The following EIF3E variants were observed in gnomAD, a reference collection of about 807,000 sequenced individuals.
EIF3E encodes eIF-3 p48.
Under a neutral mutation model 59.3 loss-of-function variants are expected in EIF3E, and 25 were observed. The ratio of observed to expected loss-of-function variants is 0.42; its 90% CI spans 0.31 to 0.59. The LOEUF is 0.59. EIF3E is among the 20% of genes least tolerant of loss of function. EIF3E has a pLI of 0.15. For synonymous variants in EIF3E, 176 were observed against 170.2 expected (o/e 1.03, Z -0.26); for missense variants, 317 against 534.3 (o/e 0.59, Z 4.01).
intron 3 of EIF3E, among the ~76,000 whole-genome samples, chr8:108,236,587 T>C (rs762890599): frequency 6.6e-6 from 1 of 152,196 alleles, no homozygotes. Flanking sequence ...AAATTTCTAA[T>C]AGATAATATA....
chr8:108,208,315 T>C (rs890725480), intron 10 of EIF3E, among the ~76,000 whole-genome samples: 1 of 152,186 alleles, frequency 6.6e-6, no homozygotes, highest in African/African-American at 2.4e-5. Flanking sequence ...TGGTCTAGTT[T>C]TCACTGAAGA....
Position 108,220,324 on chromosome 8 carries a change from C to A in EIF3E, c.723-2864G>T, listed in dbSNP as rs528766698. Among the ~76,000 whole-genome samples, 13 of 152,278 alleles carry A rather than the reference C, an allele frequency of 8.5e-5. No homozygotes were observed. In the South Asian group the frequency reaches 1.7e-3, roughly 19 times the overall value. ...CATTGCAGATTAATCACTTTCAATT[C>A]AACTGTAGTTAAATTTTGAAATATA... On this transcript the variant is annotated intron_variant, in intron 7 of 12. Transcript: ENST00000220849.
In EIF3E at chr8:108,214,721, A is replaced by G. The variant is rs117429759; in HGVS notation, c.952-5T>C. 2.6e-3 allele frequency: 4,201 copies of G among 1,599,384 alleles called. 11 individuals are homozygous for G. Among genetic ancestry groups the G allele is most frequent in the Non-Finnish European group, 3.3e-3 (3,900 of 1,176,642 alleles). On this transcript the variant is annotated splice_polypyrimidine_tract_variant and splice_region_variant and intron_variant, in intron 9 of 12. Transcript: ENST00000220849. ...GAAGAAGTCATTCACAAGCACCTAT[A>G]TGTACAAATACAACAAAAATTAATG...
rs955133080 is a variant in EIF3E, at chr8:108,242,756, A to T, written c.91-843T>A. ...AATGGCTAAAAGATAGGCACTTCGC[A>T]AAAGAAGACAACCAAATGGCCAACA... On this transcript the variant is annotated intron_variant, in intron 1 of 12. Coordinates refer to ENST00000220849, the MANE Select transcript of EIF3E (RefSeq NM_001568.3). 11 of 798,122 alleles carry T rather than the reference A, an allele frequency of 1.4e-5. No individual in the cohort carries two copies. In the African/African-American group the frequency reaches 1.9e-4, roughly 14 times the overall value. The allele number at this position is 798,122 out of a possible 1,614,324, so 49.4% of individuals were successfully genotyped here.
Position 108,201,836 on chromosome 8 carries a change from T to C in EIF3E, c.*49A>G, listed in dbSNP as rs1007221570. On this transcript the variant is annotated 3_prime_UTR_variant, in exon 13 of 13. Coordinates refer to ENST00000220849, the MANE Select transcript of EIF3E (RefSeq NM_001568.3). ...CACCCTTTATATAATAGTTTTATTATTTCATCTTTCTTTGATAGTTTTTTT... is the reference window on the plus strand; with the variant it reads ...CACCCTTTATATAATAGTTTTATTACTTCATCTTTCTTTGATAGTTTTTTT... 2 of 1,408,988 alleles carry C rather than the reference T, an allele frequency of 1.4e-6. No individual in the cohort carries two copies. The highest frequency in any genetic ancestry group is 2.9e-5 in the African/African-American group (2 of 67,856). The allele number at this position is 1,408,988 out of a possible 1,614,324, so 87.3% of individuals were successfully genotyped here.
At chr8:108,241,706 C>A (rs1328823979) in intron 2 of EIF3E, 93 bp downstream of exon 2, 6 of 635,572 alleles carry the variant, frequency 9.4e-6, no homozygotes, top group Admixed American at 6.6e-5. Flanking sequence ...CATATTTAAG[C>A]CTTTTGGCTA....
chr8:108,221,806 G>GCACACACACA (rs71281606), intron 7 of EIF3E, among the ~76,000 whole-genome samples: 11 of 149,820 alleles, frequency 7.3e-5, no homozygotes, highest in East Asian at 2.0e-4. Context: ...ACACACACAC[G>GCACACACACA]CACACACACA....
chr8:108,217,063 C>T (rs1172789345), intron 8 of EIF3E, among the ~76,000 whole-genome samples: 1 of 152,050 alleles, frequency 6.6e-6, no homozygotes, highest in Non-Finnish European at 1.5e-5. Context: ...TCACTCTTTG[C>T]AATAAGAGAA....
rs547401392 is a variant in EIF3E, at chr8:108,224,013, A to G, written c.722+4254T>C. ...TGGGCGGGTCACGAGGTCAGGAGAT[A>G]GAGACCATCCTGGCTAACACGGTGA... On this transcript the variant is annotated intron_variant, in intron 7 of 12. Transcript: ENST00000220849. Among the ~76,000 whole-genome samples the G allele has an allele frequency of 1.6e-3, 240 of 150,988 alleles. 7 individuals carry two copies. Among genetic ancestry groups the G allele is most frequent in the African/African-American group, 5.6e-3 (225 of 40,484 alleles).
intron 9 of EIF3E, among the ~76,000 whole-genome samples, chr8:108,216,134 A>C (rs564612327): frequency 6.6e-6 from 1 of 152,186 alleles, no homozygotes; most frequent in Non-Finnish European, 1.5e-5. Context: ...AATTACCCCC[A>C]ATGTTTTAAC....
chr8:108,222,415 G>A (rs567449933), intron 7 of EIF3E, among the ~76,000 whole-genome samples: 1 of 152,244 alleles, frequency 6.6e-6, no homozygotes, highest in South Asian at 2.1e-4. Flanking sequence ...AAACATTTAG[G>A]TGTGTATGCA....
At chr8:108,228,026 T>C (rs995282023) in intron 7 of EIF3E, 6 of 319,164 alleles carry the variant, frequency 1.9e-5, no homozygotes, top group Non-Finnish European at 2.8e-5. Context: ...ATGATTTCTA[T>C]GCTGCTGGCC....
At chr8:108,236,259 A>G (rs897960138) in intron 3 of EIF3E, 56 bp from the exon 4 acceptor site, 25 of 1,404,678 alleles carry the variant, frequency 1.8e-5, no homozygotes, top group Non-Finnish European at 2.5e-5. Flanking sequence ...AAACAAAATA[A>G]GCATATCCAA....
rs552532925 is a variant in EIF3E, at chr8:108,217,237, G to A, written c.849+97C>T. 1.2e-5 allele frequency: 12 copies of A among 975,454 alleles called. No individual in the cohort carries two copies. The African/African-American group carries it at 1.5e-4, about 12-fold the overall frequency. 60.4% of individuals were successfully genotyped at this position (975,454 alleles called of 1,614,324 possible). On this transcript the variant is annotated intron_variant, in intron 8 of 12. Coordinates refer to ENST00000220849, the MANE Select transcript of EIF3E (RefSeq NM_001568.3). ...ATTCCTTCCACCTATTTTTAAAAAC[G>A]TTTGTACCTTAAGAACTAAGTCTTA...
chr8:108,217,236 C>T (rs905310304), intron 8 of EIF3E, 98 bp downstream of exon 8: 8 of 970,032 alleles, frequency 8.2e-6, no homozygotes, highest in East Asian at 2.8e-5. Flanking sequence ...TTTTTAAAAA[C>T]GTTTGTACCT....
At chr8:108,226,154 G>A (rs1458226051) in intron 7 of EIF3E, 2 of 150,818 alleles carry the variant, frequency 1.3e-5, no homozygotes, top group Non-Finnish European at 3.0e-5. Context: ...TACACCAAGA[G>A]ATAAAACCAA....
At chr8:108,248,052 C>T (rs1815982062) in intron 1 of EIF3E, among the ~76,000 whole-genome samples, 1 of 151,980 alleles carries the variant, frequency 6.6e-6, no homozygotes, top group Non-Finnish European at 1.5e-5. Flanking sequence ...GAGCGCCGTC[C>T]CCATCTGACG....
chr8:108,246,546 T>C (rs899476383), intron 1 of EIF3E, among the ~76,000 whole-genome samples: 3 of 152,184 alleles, frequency 2.0e-5, no homozygotes, highest in Non-Finnish European at 4.4e-5. Context: ...TTCTCAGTTA[T>C]ATGGCCCTAT....
At chr8:108,241,014 C>T (rs1472048272) in intron 2 of EIF3E, among the ~76,000 whole-genome samples, 2 of 152,088 alleles carry the variant, frequency 1.3e-5, no homozygotes, top group East Asian at 3.9e-4. Flanking sequence ...AAATAGTTTC[C>T]TTTTTGTTTA....
Sources: gnomAD v4.1 joint callset for allele counts (sites outside exome capture counted in the v4.1 genomes callset) on GRCh38, gnomAD v4.1.1 for gene constraint, MANE v1.5 for transcripts, NCBI Gene and HGNC (gene_info 2026-07-23, HGNC 2026-07-21) for gene names.